AEBP2: variants seen among roughly 807,000 people sequenced by gnomAD.
AEBP2 encodes zinc finger protein AEBP2.
AEBP2 carries 10 observed loss-of-function variants against 50.8 expected under a neutral mutation model. That is an observed-to-expected ratio of 0.20 (90% CI 0.12 to 0.33). The LOEUF is 0.33. Among genes scored for constraint, AEBP2 ranks in the 10% least tolerant of loss-of-function variants. The pLI is 1.00. For synonymous variants in AEBP2, 296 were observed against 261.3 expected (o/e 1.13, Z -1.28); for missense variants, 570 against 688.0 (o/e 0.83, Z 1.92).
intron 5 of AEBP2, among the ~76,000 whole-genome samples, chr12:19,504,638 AT>A (rs1400459064): frequency 6.6e-6 from 1 of 152,078 alleles, no homozygotes; most frequent in Non-Finnish European, 1.5e-5. Context: ...TTAGATTGAT[AT>A]GTGTGATACT....
At chr12:19,486,451 G>A (rs776100028) in intron 3 of AEBP2, among the ~76,000 whole-genome samples, 1 of 151,958 alleles carries the variant, frequency 6.6e-6, no homozygotes, top group Non-Finnish European at 1.5e-5. Flanking sequence ...GAGTACAGTG[G>A]CCTGATCTCT....
At chr12:19,426,939 T>C (rs2095748832) in intron 1 of AEBP2, among the ~76,000 whole-genome samples, 1 of 152,092 alleles carries the variant, frequency 6.6e-6, no homozygotes, top group South Asian at 2.1e-4. Flanking sequence ...TGAGACTGTC[T>C]GTGAGGACGT....
intron 7 of AEBP2, among the ~76,000 whole-genome samples, chr12:19,515,184 C>A (rs181681455): frequency 8.6e-4 from 131 of 152,166 alleles, no homozygotes; most frequent in African/African-American, 3.0e-3. Flanking sequence ...TCCAAACTTT[C>A]CAAAAGAGCA....
intron 1 of AEBP2, chr12:19,440,793 T>C: frequency 1.3e-6 from 2 of 1,527,552 alleles, no homozygotes; most frequent in Non-Finnish European, 1.8e-6. Flanking sequence ...GTTTCCAATA[T>C]GGCTGGTCTC....
intron 1 of AEBP2, among the ~76,000 whole-genome samples, chr12:19,462,127 T>G (rs1948389973): frequency 1.3e-5 from 2 of 152,172 alleles, no homozygotes; most frequent in Non-Finnish European, 2.9e-5. Flanking sequence ...ATGCTTTGAT[T>G]GTGAATTATT....
chr12:19,446,941 AAAAC>A (rs1948081012), intron 1 of AEBP2, among the ~76,000 whole-genome samples: 1 of 152,110 alleles, frequency 6.6e-6, no homozygotes. Context: ...AAAAAACAAA[AAAAC>A]AAAAAAATTA....
chr12:19,418,411 T>G (rs1005494466), intron 1 of AEBP2, among the ~76,000 whole-genome samples: 173 of 149,484 alleles, frequency 1.2e-3, no homozygotes, highest in African/African-American at 4.0e-3. Flanking sequence ...TTTTTTTTTT[T>G]GTGGATATGA....
intron 3 of AEBP2, among the ~76,000 whole-genome samples, chr12:19,482,045 A>T (rs1163609302): frequency 1.3e-5 from 2 of 152,144 alleles, no homozygotes; most frequent in Non-Finnish European, 2.9e-5. Flanking sequence ...TACCAGAATT[A>T]CTTTTCTGGT....
intron 1 of AEBP2, among the ~76,000 whole-genome samples, chr12:19,459,714 C>T (rs959955004): frequency 6.6e-6 from 1 of 152,046 alleles, no homozygotes; most frequent in Non-Finnish European, 1.5e-5. Flanking sequence ...TAGAGTTGCA[C>T]TTTAGAATCT....
chr12:19,457,522 C>A, intron 1 of AEBP2: 6 of 1,480,612 alleles, frequency 4.1e-6, no homozygotes, highest in Non-Finnish European at 3.6e-6. Flanking sequence ...GCCTCCTTCT[C>A]AATTTTTTCA....
At chr12:19,489,024 G>C (rs904263709) in intron 3 of AEBP2, among the ~76,000 whole-genome samples, 7 of 152,042 alleles carry the variant, frequency 4.6e-5, no homozygotes, top group African/African-American at 1.7e-4. Context: ...CCTGACCTCA[G>C]GTGATCCACC....
chr12:19,490,213 G>A (rs1407529447), intron 3 of AEBP2, among the ~76,000 whole-genome samples: 1 of 151,902 alleles, frequency 6.6e-6, no homozygotes, highest in Non-Finnish European at 1.5e-5. Context: ...TGTCTGGAAG[G>A]ATGCTGGGAC....
rs141486890 is a variant in AEBP2 at position 19,496,132 on chromosome 12, C to G, written c.1174+2146C>G. ...ATTTTCTGACTTTTCACATTATATA[C>G]TTGGAAATATCTATGCAATTCGCTA... On this transcript the variant is annotated intron_variant, in intron 4 of 7. Coordinates refer to ENST00000266508, the MANE Select transcript of AEBP2 (RefSeq NM_153207.5). 7.6e-4 allele frequency among the ~76,000 whole-genome samples: 116 copies of G among 152,234 alleles called. 1 individual carries two copies. The East Asian group carries it at 0.021, about 28-fold the overall frequency.
intron 4 of AEBP2, among the ~76,000 whole-genome samples, chr12:19,494,856 T>C (rs2120463399): frequency 6.6e-6 from 1 of 152,304 alleles, no homozygotes. Context: ...CCTCAGAGTG[T>C]AGCTGGTCAC....
chr12:19,501,331 C>T (rs75311090), intron 5 of AEBP2, among the ~76,000 whole-genome samples: 1 of 82,196 alleles, frequency 1.2e-5, no homozygotes, highest in Admixed American at 1.4e-4. Flanking sequence ...AACTCCATCT[C>T]AAAAAAAAAA....
intron 1 of AEBP2, among the ~76,000 whole-genome samples, chr12:19,449,461 T>C (rs1244015729): frequency 2.0e-5 from 3 of 152,210 alleles, no homozygotes; most frequent in African/African-American, 4.8e-5. Flanking sequence ...AGATTTGATA[T>C]GAGAAATTTA....
intron 3 of AEBP2, among the ~76,000 whole-genome samples, chr12:19,481,787 A>G (rs1408449630): frequency 6.6e-6 from 1 of 151,606 alleles, no homozygotes; most frequent in Non-Finnish European, 1.5e-5. Flanking sequence ...CCTCCAGTGC[A>G]TTTTCTGTTT....
chr12:19,512,669 C>CT (rs375847006), intron 6 of AEBP2, among the ~76,000 whole-genome samples: 493 of 147,096 alleles, frequency 3.4e-3, no homozygotes, highest in African/African-American at 9.9e-3. Context: ...AGCCCCCCCT[C>CT]TTTTTTTTTT....
At chr12:19,500,009 G>C in intron 4 of AEBP2, 88 bp from the exon 5 acceptor site, 1 of 1,176,920 alleles carries the variant, frequency 8.5e-7, no homozygotes, top group Middle Eastern at 2.0e-4. Context: ...ACTATTGATA[G>C]ATATGTATTT....
Sources: allele counts gnomAD v4.1 joint callset (sites outside exome capture counted in the v4.1 genomes callset), GRCh38; gene constraint gnomAD v4.1.1; transcripts MANE v1.5; gene names NCBI Gene and HGNC (gene_info 2026-07-23, HGNC 2026-07-21).